ERG: variants seen among roughly 807,000 people sequenced by gnomAD.
The protein encoded by ERG is transcriptional regulator ERG.
ERG carries 9 observed loss-of-function variants against 55.3 expected under a neutral mutation model. The observed-to-expected ratio is 0.16, with a 90% CI of 0.10 to 0.28. The LOEUF is 0.28. ERG is among the 10% of genes least tolerant of loss of function. The pLI, the probability that ERG is intolerant of heterozygous loss-of-function variation, is 1.00. For missense variants in ERG, 434 were observed against 631.6 expected, an observed-to-expected ratio of 0.69 and a Z score of 3.35; for synonymous variants, 223 against 237.3, an observed-to-expected ratio of 0.94 and a Z score of 0.55.
At chr21:38,615,287 G>A (rs2060251819) in intron 1 of ERG, among the ~76,000 whole-genome samples, 1 of 152,142 alleles carries the variant, frequency 6.6e-6, no homozygotes, top group African/African-American at 2.4e-5. Flanking sequence ...TGTCACATGA[G>A]ATGATATAAA....
chr21:38,586,981 T>C (rs1430936502), upstream of ERG, among the ~76,000 whole-genome samples: 1 of 152,338 alleles, frequency 6.6e-6, no homozygotes, highest in East Asian at 1.9e-4. Context: ...TCCTGTCATT[T>C]GTGACAACAT....
chr21:38,459,175 G>A (rs914583226), intron 1 of ERG, among the ~76,000 whole-genome samples: 10 of 152,128 alleles, frequency 6.6e-5, no homozygotes, highest in African/African-American at 1.9e-4. Flanking sequence ...TGGCCTCAGC[G>A]CTGCCAGGAA....
At chr21:38,572,572 A>C (rs989416084) in intron 2 of ERG, among the ~76,000 whole-genome samples, 6 of 152,282 alleles carry the variant, frequency 3.9e-5, no homozygotes, top group African/African-American at 1.4e-4. Context: ...AATTACAAAA[A>C]TAATTATTCG....
chr21:38,457,323 C>A (rs1448056525), intron 1 of ERG, among the ~76,000 whole-genome samples: 1 of 151,998 alleles, frequency 6.6e-6, no homozygotes, highest in Non-Finnish European at 1.5e-5. Context: ...GTAGTCCCAG[C>A]TACTCAGGAG....
chr21:38,568,922 A>G (rs1479878588), intron 2 of ERG, among the ~76,000 whole-genome samples: 9 of 152,196 alleles, frequency 5.9e-5, no homozygotes, highest in Admixed American at 5.9e-4. Flanking sequence ...CTCTGCCAGG[A>G]GGCTTACAGG....
At chr21:38,442,930 CCCGAGTA>C (rs2058855475) in intron 2 of ERG, among the ~76,000 whole-genome samples, 1 of 152,178 alleles carries the variant, frequency 6.6e-6, no homozygotes, top group Non-Finnish European at 1.5e-5. Flanking sequence ...GCCTCAGCCT[CCCGAGTA>C]GCTGGGACTA....
At chr21:38,568,674 T>C (rs2059938132) in intron 2 of ERG, among the ~76,000 whole-genome samples, 1 of 152,226 alleles carries the variant, frequency 6.6e-6, no homozygotes, top group South Asian at 2.1e-4. Context: ...TGTTGGTGCC[T>C]GATCCTCACA....
At chr21:38,598,110 G>A (rs554708507) in intron 1 of ERG, among the ~76,000 whole-genome samples, 22 of 152,280 alleles carry the variant, frequency 1.4e-4, no homozygotes, top group African/African-American at 4.1e-4. Flanking sequence ...ACATAGCAAG[G>A]ACTGTAAGCC....
At chr21:38,496,714 C>T (rs1639471532) in intron 1 of ERG, among the ~76,000 whole-genome samples, 1 of 152,174 alleles carries the variant, frequency 6.6e-6, no homozygotes, top group Non-Finnish European at 1.5e-5. Flanking sequence ...AATATTCAAA[C>T]TTTCAAAATA....
the ERG span, among the ~76,000 whole-genome samples, chr21:38,370,875 T>C: frequency 4.6e-5 from 7 of 152,084 alleles, 1 homozygote; most frequent in South Asian, 1.2e-3. Context: ...GTGCTGTGCT[T>C]TCAAGCATAG....
intron 1 of ERG, among the ~76,000 whole-genome samples, chr21:38,493,484 C>T (rs1239099467): frequency 6.6e-6 from 1 of 152,190 alleles, no homozygotes; most frequent in Non-Finnish European, 1.5e-5. Flanking sequence ...TTTATATTGA[C>T]TTTGTGATGA....
chr21:38,553,766 GC>G (rs2146821994), intron 2 of ERG, among the ~76,000 whole-genome samples: 1 of 152,022 alleles, frequency 6.6e-6, no homozygotes, highest in Non-Finnish European at 1.5e-5. Flanking sequence ...CTGGACATAG[GC>G]CCTGGCAAAG....
downstream of ERG, among the ~76,000 whole-genome samples, chr21:38,377,598 T>C (rs746627951): frequency 6.6e-6 from 1 of 152,250 alleles, no homozygotes; most frequent in Non-Finnish European, 1.5e-5. Flanking sequence ...AACATCTTGA[T>C]ACATCCTGGC....
intron 2 of ERG, among the ~76,000 whole-genome samples, chr21:38,425,177 A>T (rs746902096): frequency 4.6e-5 from 7 of 152,106 alleles, no homozygotes; most frequent in Non-Finnish European, 1.0e-4. Context: ...TGAGGTCAGG[A>T]GTTCAAGACC....
chr21:38,429,895 T>C (rs1390468575), intron 2 of ERG, among the ~76,000 whole-genome samples: 3 of 152,124 alleles, frequency 2.0e-5, no homozygotes, highest in Admixed American at 6.5e-5. Context: ...AGATAACCAG[T>C]GGTGGGATTG....
intron 1 of ERG, among the ~76,000 whole-genome samples, chr21:38,496,942 A>G (rs1245476703): frequency 1.3e-5 from 2 of 152,244 alleles, no homozygotes. Context: ...AAGGATGAAA[A>G]TAAGAACAAA....
chr21:38,405,597 C>G (rs1352041550), intron 3 of ERG, among the ~76,000 whole-genome samples: 1 of 152,202 alleles, frequency 6.6e-6, no homozygotes, highest in African/African-American at 2.4e-5. Context: ...ATCATCTTCC[C>G]TGGGCCTCAC....
intron 1 of ERG, among the ~76,000 whole-genome samples, chr21:38,456,888 C>T (rs2058994882): frequency 3.3e-5 from 5 of 152,192 alleles, no homozygotes; most frequent in South Asian, 2.1e-4. Flanking sequence ...TAATGTTATA[C>T]GCTGAGCTCA....
intron 1 of ERG, among the ~76,000 whole-genome samples, chr21:38,650,466 T>A (rs1331157045): frequency 6.6e-6 from 1 of 152,082 alleles, no homozygotes; most frequent in Non-Finnish European, 1.5e-5. Context: ...CGAAACCCTG[T>A]CTCTACTAAC....
Sources: allele counts gnomAD v4.1 joint callset (sites outside exome capture counted in the v4.1 genomes callset), GRCh38; gene constraint gnomAD v4.1.1; transcripts MANE v1.5; gene names NCBI Gene and HGNC (gene_info 2026-07-23, HGNC 2026-07-21).